The following ST8SIA6 variants were observed in gnomAD, a reference collection of about 807,000 sequenced individuals.
The protein encoded by ST8SIA6 is alpha-2,8-sialyltransferase 8F.
Under a neutral mutation model 33.6 loss-of-function variants are expected in ST8SIA6, and 39 were observed. That is an observed-to-expected ratio of 1.16 (90% confidence interval 0.90 to 1.52). ST8SIA6 has a LOEUF of 1.52. Ranked by LOEUF, ST8SIA6 falls within the 40% of genes most tolerant of loss-of-function variation. ST8SIA6 has a pLI of 0.00. For synonymous variants in ST8SIA6, 172 were observed against 167.2 expected, an observed-to-expected ratio of 1.03 and a Z score of -0.22; for missense variants, 441 against 443.8, an observed-to-expected ratio of 0.99 and a Z score of 0.06.
chr10:17,318,767 A>C lies in ST8SIA6; in HGVS notation c.*2111T>G, dbSNP rs1847850156. 1 of 467,300 alleles carries C rather than the reference A, an allele frequency of 2.1e-6. No homozygotes were observed. Among genetic ancestry groups the C allele is most frequent in the African/African-American group, 2.0e-5 (1 of 49,768 alleles). The allele number at this position is 467,300 out of a possible 1,614,324, so 28.9% of individuals were successfully genotyped here. A position where few individuals can be genotyped will look rare whatever the true frequency, so the allele number is the denominator to read the frequency against. ...AAAATTTGCAATGATTCACCAATAC[A>C]GAACAAAAAGAACTGTGACTTACGT... On this transcript the variant is annotated 3_prime_UTR_variant, in exon 8 of 8. Transcript: ENST00000377602.
intron 4 of ST8SIA6, among the ~76,000 whole-genome samples, chr10:17,339,110 A>C (rs1848595432): frequency 2.8e-5 from 3 of 107,568 alleles, no homozygotes; most frequent in African/African-American, 8.5e-5. Context: ...AATTGTAAAA[A>C]TTCCTTTTTT....
intron 2 of ST8SIA6, among the ~76,000 whole-genome samples, chr10:17,440,332 A>G (rs964860879): frequency 8.6e-5 from 13 of 151,542 alleles, no homozygotes; most frequent in African/African-American, 3.2e-4. Flanking sequence ...CAGCCTCCCA[A>G]GTAGCTGGGA....
intron 2 of ST8SIA6, chr10:17,403,437 G>A (rs1024588864): frequency 1.3e-5 from 2 of 152,216 alleles, no homozygotes; most frequent in African/African-American, 4.8e-5. Context: ...TGTAGAGTCA[G>A]TGTGGAATTC....
At chr10:17,447,746 C>T (rs1393474041) in intron 2 of ST8SIA6, among the ~76,000 whole-genome samples, 1 of 152,026 alleles carries the variant, frequency 6.6e-6, no homozygotes, top group Non-Finnish European at 1.5e-5. Flanking sequence ...TAATTACTAA[C>T]TAAAAAGTCC....
chr10:17,353,038 T>A (rs1173088622), intron 4 of ST8SIA6, among the ~76,000 whole-genome samples: 2 of 152,138 alleles, frequency 1.3e-5, no homozygotes, highest in African/African-American at 4.8e-5. Context: ...CAGCAAACAT[T>A]TAGAGGCTCA....
At chr10:17,384,486 A>C (rs979852008) in intron 3 of ST8SIA6, among the ~76,000 whole-genome samples, 1 of 152,236 alleles carries the variant, frequency 6.6e-6, no homozygotes, top group African/African-American at 2.4e-5. Flanking sequence ...ATAACATGGG[A>C]AACTGGAGAG....
intron 2 of ST8SIA6, among the ~76,000 whole-genome samples, chr10:17,402,442 G>T (rs1198566513): frequency 1.3e-5 from 2 of 152,134 alleles, no homozygotes; most frequent in African/African-American, 2.4e-5. Context: ...TATACCCAAA[G>T]GATTATAAAT....
At chr10:17,390,466 G>T in intron 3 of ST8SIA6, 65 bp downstream of exon 3, 1 of 1,361,774 alleles carries the variant, frequency 7.3e-7, no homozygotes, top group Non-Finnish European at 1.0e-6. Context: ...CAGAGACACT[G>T]TCAGACATTC....
Position 17,454,098 on chromosome 10 carries a change from C to T in ST8SIA6, c.101+57G>A, listed in dbSNP as rs1218210227. ...GGAAGCGATGGGCGGCTTGGGGGTCCGGGGGCGCCAGGCGGGGCGCGCGGC... is the reference window on the plus strand; with the variant it reads ...GGAAGCGATGGGCGGCTTGGGGGTCTGGGGGCGCCAGGCGGGGCGCGCGGC... On this transcript the variant is annotated intron_variant, in intron 1 of 7. Transcript: ENST00000377602. This position sits in a 1 kb window ranked among gnomAD's most constrained non-coding sequence, Gnocchi z 4.1. 1.6e-5 allele frequency: 4 copies of T among 249,786 alleles called. No homozygotes were observed. The highest frequency in any genetic ancestry group is 2.3e-5 in the Non-Finnish European group (3 of 132,410). The allele number at this position is 249,786 out of a possible 1,614,324, so 15.5% of individuals were successfully genotyped here.
intron 4 of ST8SIA6, among the ~76,000 whole-genome samples, chr10:17,351,103 C>A (rs1051157090): frequency 6.6e-6 from 1 of 152,076 alleles, no homozygotes; most frequent in Non-Finnish European, 1.5e-5. Flanking sequence ...TCCCTGCCCC[C>A]ACCCCAGCAT....
intron 3 of ST8SIA6, among the ~76,000 whole-genome samples, chr10:17,387,434 C>CGGGGCGGT (rs1161353162): frequency 2.6e-4 from 2 of 7,824 alleles, no homozygotes; most frequent in Admixed American, 4.8e-3. Flanking sequence ...TGTTTTTAGT[C>CGGGGCGGT]GGGGCGGTGG....
At chr10:17,391,436 ATT>A (rs1850608276) in intron 2 of ST8SIA6, among the ~76,000 whole-genome samples, 3 of 150,462 alleles carry the variant, frequency 2.0e-5, no homozygotes, top group African/African-American at 7.3e-5. Context: ...AATTTTTTGT[ATT>A]TTTTTAGTAG....
At chr10:17,323,229 G>GTGCACGCA (rs1554783534) in intron 6 of ST8SIA6, 72 bp from the exon 7 acceptor site, 1 of 793,956 alleles carries the variant, frequency 1.3e-6, no homozygotes, top group African/African-American at 1.8e-5. Flanking sequence ...ACATATGCGC[G>GTGCACGCA]CACACACACA....
At chr10:17,371,848 T>C (rs939239638) in intron 3 of ST8SIA6, among the ~76,000 whole-genome samples, 68 of 144,724 alleles carry the variant, frequency 4.7e-4, no homozygotes, top group Admixed American at 4.5e-3. Context: ...GTATGATAAA[T>C]ATTTGTTTAA....
At chr10:17,385,670 G>A (rs78478995) in intron 3 of ST8SIA6, among the ~76,000 whole-genome samples, 5,798 of 152,132 alleles carry the variant, frequency 0.038, 134 homozygotes, top group African/African-American at 0.062. Flanking sequence ...GTAGGAACTG[G>A]CTATTTTCAC....
chr10:17,390,802 A>AAAAAAC (rs1554795679), intron 2 of ST8SIA6, among the ~76,000 whole-genome samples, 182 bp from the exon 3 acceptor site: 1 of 151,322 alleles, frequency 6.6e-6, no homozygotes, highest in African/African-American at 2.4e-5. Flanking sequence ...TCTAAATGAA[A>AAAAAAC]AAAAAAACAA....
intron 4 of ST8SIA6, among the ~76,000 whole-genome samples, chr10:17,357,118 G>A (rs1849220101): frequency 6.8e-6 from 1 of 148,048 alleles, no homozygotes; most frequent in Admixed American, 6.8e-5. Flanking sequence ...ATGTTTCAAA[G>A]TTGGCCTTCA....
intron 4 of ST8SIA6, among the ~76,000 whole-genome samples, chr10:17,350,134 G>A (rs187553541): frequency 2.0e-5 from 3 of 152,278 alleles, no homozygotes; most frequent in Admixed American, 1.3e-4. Context: ...GCCAAAGTCC[G>A]TAGTCCCTCC....
chr10:17,439,344 A>G (rs1852391666), intron 2 of ST8SIA6, among the ~76,000 whole-genome samples: 1 of 148,526 alleles, frequency 6.7e-6, no homozygotes, highest in Non-Finnish European at 1.5e-5. Flanking sequence ...CAGTGGTGCA[A>G]TCTTGGCTCA....
Sources: gnomAD v4.1 joint callset for allele counts (sites outside exome capture counted in the v4.1 genomes callset) on GRCh38, gnomAD v4.1.1 for gene constraint, Gnocchi (gnomAD v3.1) non-coding constraint, MANE v1.5 for transcripts, NCBI Gene and HGNC (gene_info 2026-07-23, HGNC 2026-07-21) for gene names.